PCDH1: variants seen among roughly 807,000 people sequenced by gnomAD.
PCDH1 encodes the protein protocadherin 1.
A neutral mutation model predicts 74.6 loss-of-function variants in PCDH1; 23 were observed. The observed-to-expected ratio is 0.31, with a 90% CI of 0.22 to 0.44. The LOEUF is 0.44. Among genes scored for constraint, PCDH1 ranks in the 20% least tolerant of loss-of-function variants. The pLI is 1.00. For synonymous variants in PCDH1, 647 were observed against 686.1 expected (o/e 0.94, Z 0.89); for missense variants, 1,214 against 1,641.4 (o/e 0.74, Z 4.50).
chr5:141,874,417 AC>A (rs746812062), intron 1 of PCDH1, among the ~76,000 whole-genome samples: 16 of 152,208 alleles, frequency 1.1e-4, no homozygotes, highest in Non-Finnish European at 2.1e-4. Flanking sequence ...TTCCTGGGCA[AC>A]GGTGCCCTAC....
Position 141,857,879 on chromosome 5 carries a change from G to C in PCDH1, c.3100-408C>G, listed in dbSNP as rs79048561. Among the ~76,000 whole-genome samples, 1,469 of 152,102 alleles carry C rather than the reference G, an allele frequency of 9.7e-3. 27 individuals are homozygous for C. Among genetic ancestry groups the C allele is most frequent in the South Asian group, 0.042 (204 of 4,804 alleles). On this transcript the variant is annotated intron_variant, in intron 3 of 4. Coordinates refer to ENST00000287008, the MANE Select transcript of PCDH1 (RefSeq NM_032420.5). ...TAATACGGTGTAGAGCCCAATACCA[G>C]AGTAACATAATACCACCCGACTCCC...
intron 1 of PCDH1, among the ~76,000 whole-genome samples, chr5:141,872,921 G>C (rs1050176219): frequency 6.6e-6 from 1 of 152,144 alleles, no homozygotes; most frequent in Non-Finnish European, 1.5e-5. Flanking sequence ...TGCTCACAGT[G>C]GGGAAAGGAG....
intron 4 of PCDH1, among the ~76,000 whole-genome samples, chr5:141,854,976 C>G (rs559163149): frequency 2.8e-5 from 4 of 144,306 alleles, no homozygotes; most frequent in South Asian, 2.2e-4. Context: ...CCAGCCTTAT[C>G]CTTTTTTTTT....
intron 3 of PCDH1, among the ~76,000 whole-genome samples, chr5:141,860,883 C>A (rs942733627): frequency 2.6e-5 from 4 of 151,952 alleles, no homozygotes; most frequent in Admixed American, 6.6e-5. Flanking sequence ...TGGGAGGCCA[C>A]GGCGGGCAGA....
At chr5:141,873,213 C>T (rs1409713633) in intron 1 of PCDH1, among the ~76,000 whole-genome samples, 1 of 151,936 alleles carries the variant, frequency 6.6e-6, no homozygotes, top group African/African-American at 2.4e-5. Context: ...GCAACCTCCA[C>T]CTTTCGGGTT....
chr5:141,864,140 G>T lies in PCDH1; in HGVS notation c.2191C>A (p.Arg731Ser). The change falls in exon 3 of 5, where the codon CGT becomes AGT. Residue 731 changes from arginine (R) to serine (S), a missense_variant. By Grantham distance (110) the Arg-to-Ser change is moderately radical. This residue lies in a region of PCDH1 where 836 missense variants were observed against 1,182.2 expected (regional missense o/e 0.71). Transcript: ENST00000287008. This position sits in a 1 kb window ranked among gnomAD's most constrained non-coding sequence, Gnocchi z 5.9. ...TSHKLLTPQT[R>S]LGETVSQVAA... is the part of the protein sequence containing the mutation. ...ACCTGGCTGACCGTCTCACCAAGAC[G>T]TGTCTGGGGGGTCAGCAGCTTGTGA... 1 of 1,609,108 alleles carries T rather than the reference G, an allele frequency of 6.2e-7. No individual in the cohort carries two copies. Among genetic ancestry groups the T allele is most frequent in the Non-Finnish European group, 8.5e-7 (1 of 1,176,268 alleles).
chr5:141,875,987 G>A (rs1753218114), intron 1 of PCDH1, among the ~76,000 whole-genome samples: 1 of 152,178 alleles, frequency 6.6e-6, no homozygotes. Flanking sequence ...CCCAGAGCAG[G>A]TGCTAGAAGC....
rs568746284 is a variant in PCDH1 at position 141,864,539 on chromosome 5, C to T, written c.1792G>A (p.Val598Ile). The T allele has an allele frequency of 6.2e-7, 1 of 1,614,126 alleles. No homozygotes were observed. The highest frequency in any genetic ancestry group is 2.2e-5 in the East Asian group (1 of 44,880). Residue 598 changes from valine to isoleucine, a missense_variant, in exon 3 of 5, where the codon GTC (valine) becomes ATC (isoleucine). Coordinates refer to ENST00000287008, the MANE Select transcript of PCDH1 (RefSeq NM_032420.5). This position sits in a 1 kb window ranked among gnomAD's most constrained non-coding sequence, Gnocchi z 5.9. ...GSPSLQGTATVLVNVLDCNDN... is the reference protein window; with the variant it reads ...GSPSLQGTATILVNVLDCNDN... ...TTGCAGTCCAGCACATTGACAAGGA[C>T]AGTGGCTGTGCCCTGGAGGCTAGGA... is the stretch of plus-strand genomic sequence containing the variant.
rs1286788072 is a variant in PCDH1 at position 141,878,170 on chromosome 5, T to C, written c.40+53A>G. 3 of 1,419,472 alleles carry C rather than the reference T, an allele frequency of 2.1e-6. No individual in the cohort carries two copies. Among genetic ancestry groups the C allele is most frequent in the Non-Finnish European group, 1.8e-6 (2 of 1,085,334 alleles). 87.9% of individuals were successfully genotyped at this position (1,419,472 alleles called of 1,614,324 possible). A position where few individuals can be genotyped will look rare whatever the true frequency, so the allele number is the denominator to read the frequency against. On this transcript the variant is annotated intron_variant, in intron 1 of 4. Coordinates refer to ENST00000287008, the MANE Select transcript of PCDH1 (RefSeq NM_032420.5). The surrounding 1 kb of genome is among the most constrained non-coding windows in gnomAD (Gnocchi z 5.5). ...CCCCTCCCTCAGCTCCCGCCGGCCA[T>C]GACCGCTTCGGGCCCCAAGCCGCTG... is the stretch of plus-strand genomic sequence containing the variant.
At position 141,865,003 on chromosome 5, in the gene PCDH1, C is replaced by T. The variant is rs767425135; in HGVS notation, c.1328G>A (p.Arg443His). 1.2e-5 allele frequency: 19 copies of T among 1,613,958 alleles called. No individual in the cohort carries two copies. Among genetic ancestry groups the T allele is most frequent in the Admixed American group, 6.7e-5 (4 of 59,988 alleles). Residue 443 changes from arginine to histidine, a missense_variant, in exon 3 of 5, where the codon CGC (arginine) becomes CAC (histidine). By Grantham distance (29) the Arg-to-His change is conservative. This residue lies in a region of PCDH1 where 836 missense variants were observed against 1,182.2 expected (regional missense o/e 0.71). Transcript: ENST00000287008. The surrounding 1 kb of genome is among the most constrained non-coding windows in gnomAD (Gnocchi z 4.4). ...VVAGDVPFQL[R>H]QASETGSDSK... ...GTCACTGCCTGTCTCACTGGCCTGG[C>T]GCAGCTGGAAGGGCACATCACCTGC... is the stretch of plus-strand genomic sequence containing the variant.
At position 141,854,161 on chromosome 5, in the gene PCDH1, G is replaced by T. The variant is rs1157115519; in HGVS notation, c.3595C>A (p.His1199Asn). 1 of 1,604,600 alleles carries T rather than the reference G, an allele frequency of 6.2e-7. No homozygotes were observed. The highest frequency in any genetic ancestry group is 1.3e-5 in the African/African-American group (1 of 74,740). ...PSYSAFSHSS[H>N]DSCKDSATLE... ...GTGGCCGAGTCCTTGCAGGAATCATGGCTACTGTGGGAGAAGGCACTGTAG... is the reference window on the plus strand; with the variant it reads ...GTGGCCGAGTCCTTGCAGGAATCATTGCTACTGTGGGAGAAGGCACTGTAG... The change falls in exon 5 of 5, where the codon CAT (histidine) becomes AAT (asparagine). Residue 1199 changes from histidine (H) to asparagine (N), a missense_variant. His to Asn is a moderately conservative substitution (Grantham distance 68). This residue lies in a region of PCDH1 where 194 missense variants were observed against 198.3 expected (regional missense o/e 0.98). Coordinates refer to ENST00000287008, the MANE Select transcript of PCDH1 (RefSeq NM_032420.5).
Position 141,868,354 on chromosome 5 carries a change from A to G in PCDH1, c.903+215T>C. The G allele has an allele frequency of 7.8e-7, 1 of 1,284,684 alleles. No homozygotes were observed. Among genetic ancestry groups the G allele is most frequent in the South Asian group, 2.4e-5 (1 of 41,048 alleles). The allele number at this position is 1,284,684 out of a possible 1,614,324, so 79.6% of individuals were successfully genotyped here. ...GGTCACGGGAAACTGTTCATATGCTATTTCACTGTCACCTAAGTAGCCTGA... is the reference window on the plus strand; with the variant it reads ...GGTCACGGGAAACTGTTCATATGCTGTTTCACTGTCACCTAAGTAGCCTGA... On this transcript the variant is annotated intron_variant, in intron 2 of 4. Transcript: ENST00000287008. This position sits in a 1 kb window ranked among gnomAD's most constrained non-coding sequence, Gnocchi z 4.8.
At chr5:141,859,445 C>G (rs1752484064) in intron 3 of PCDH1, among the ~76,000 whole-genome samples, 1 of 152,196 alleles carries the variant, frequency 6.6e-6, no homozygotes, top group African/African-American at 2.4e-5. Context: ...AAATCTCTCT[C>G]AAACTCTTTG....
chr5:141,878,276 C>T lies in PCDH1; in HGVS notation c.-14G>A, dbSNP rs1347065769. The T allele has an allele frequency of 7.8e-7, 1 of 1,287,580 alleles. No individual in the cohort carries two copies. The highest frequency in any genetic ancestry group is 9.8e-7 in the Non-Finnish European group (1 of 1,021,932). 79.8% of individuals were successfully genotyped at this position (1,287,580 alleles called of 1,614,324 possible). ...CCCGCTGTCCATGAGCCGCCGCCGG[C>T]CCCGGCCTGGGCTGCGGCTCCGCAC... is the stretch of plus-strand genomic sequence containing the variant. On this transcript the variant is annotated 5_prime_UTR_variant, in exon 1 of 5. Transcript: ENST00000287008. This position sits in a 1 kb window ranked among gnomAD's most constrained non-coding sequence, Gnocchi z 5.5.
In PCDH1 at chr5:141,869,507, C is replaced by T. The variant is rs1753030911; in HGVS notation, c.41-76G>A. 6.4e-7 allele frequency: 1 copy of T among 1,558,836 alleles called. No homozygotes were observed. Among genetic ancestry groups the T allele is most frequent in the Middle Eastern group, 1.7e-4 (1 of 6,012 alleles). ...GGCCCTGAGCTGCCCAGAGCTGGCC[C>T]CATACTCACCCTCTCCCACTGACAC... On this transcript the variant is annotated intron_variant, in intron 1 of 4. Transcript: ENST00000287008. This position sits in a 1 kb window ranked among gnomAD's most constrained non-coding sequence, Gnocchi z 4.9.
chr5:141,866,311 AG>A (rs1752832778), intron 2 of PCDH1: 1 of 851,728 alleles, frequency 1.2e-6, no homozygotes, highest in Admixed American at 6.2e-5. Context: ...GCCTGCTGGC[AG>A]TGGGCTGGGC....
At chr5:141,857,513 C>T (rs1347283929) in intron 3 of PCDH1, 42 bp from the exon 4 acceptor site, 2 of 1,545,638 alleles carry the variant, frequency 1.3e-6, no homozygotes, top group African/African-American at 1.4e-5. Context: ...GCCAGCTTGC[C>T]CACAGGGCCC....
At position 141,864,374 on chromosome 5, in the gene PCDH1, G is replaced by C; in HGVS notation, c.1957C>G (p.Gln653Glu). 1 of 1,614,062 alleles carries C rather than the reference G, an allele frequency of 6.2e-7. No homozygotes were observed. Among genetic ancestry groups the C allele is most frequent in the South Asian group, 1.1e-5 (1 of 91,078 alleles). ...ENAQVQLSVE[Q>E]DNGDFVIQNG... Reference sequence around the variant, plus strand: ...TGGATAACAAAGTCACCGTTGTCCTGCTCCACTGAGAGCTGCACCTGGGCA... The same window carrying C: ...TGGATAACAAAGTCACCGTTGTCCTCCTCCACTGAGAGCTGCACCTGGGCA... Residue 653 changes from glutamine (Q) to glutamate (E), a missense_variant, in exon 3 of 5, where the codon CAG becomes GAG. Gln to Glu is a conservative substitution (Grantham distance 29). Coordinates refer to ENST00000287008, the MANE Select transcript of PCDH1 (RefSeq NM_032420.5). The surrounding 1 kb of genome is among the most constrained non-coding windows in gnomAD (Gnocchi z 5.9).
chr5:141,867,879 C>T (rs907665521), intron 2 of PCDH1, among the ~76,000 whole-genome samples: 2 of 152,236 alleles, frequency 1.3e-5, no homozygotes, highest in African/African-American at 4.8e-5. Context: ...CAGTCCCCAG[C>T]CCCACCAAGC....
Sources: gnomAD v4.1 joint callset for allele counts (sites outside exome capture counted in the v4.1 genomes callset) on GRCh38, gnomAD v4.1.1 for gene constraint, gnomAD v4.1.1 regional missense constraint, Gnocchi (gnomAD v3.1) non-coding constraint, MANE v1.5 for transcripts, NCBI Gene and HGNC (gene_info 2026-07-23, HGNC 2026-07-21) for gene names.